Variants in PRKCB observed in about 807,000 individuals in gnomAD.
The protein encoded by PRKCB is protein kinase C beta type.
PRKCB carries 13 observed loss-of-function variants against 81.5 expected under a neutral mutation model. That is an observed-to-expected ratio of 0.16 (90% confidence interval 0.10 to 0.25). The LOEUF is 0.25. Ranked by LOEUF, PRKCB falls within the 10% of genes least tolerant of loss-of-function variation. The probability of loss-of-function intolerance (pLI) is 1.00; values close to 1 mark genes in which losing one functional copy is unlikely to be tolerated. For synonymous variants in PRKCB, 335 were observed against 321.4 expected, an observed-to-expected ratio of 1.04 and a Z score of -0.45; for missense variants, 509 against 875.7, an observed-to-expected ratio of 0.58 and a Z score of 5.29.
intron 6 of PRKCB, 61 bp from the exon 7 acceptor site, chr16:24,094,102 T>C: frequency 6.4e-7 from 1 of 1,568,130 alleles, no homozygotes; most frequent in Admixed American, 1.9e-5. Context: ...CTCTTGTACA[T>C]TTATTCTGCT....
At chr16:24,092,350 C>T (rs111662006) in intron 5 of PRKCB, among the ~76,000 whole-genome samples, 1,534 of 152,286 alleles carry the variant, frequency 0.01, 29 homozygotes, top group African/African-American at 0.035. Flanking sequence ...GTGGAAACAA[C>T]CCAACTATGC....
chr16:24,142,447 G>A (rs1966914742), intron 9 of PRKCB, among the ~76,000 whole-genome samples: 1 of 152,212 alleles, frequency 6.6e-6, no homozygotes, highest in African/African-American at 2.4e-5. Flanking sequence ...GGGAAGAGCA[G>A]GTGGTTGGCG....
chr16:24,209,763 C>T (rs950985541), intron 16 of PRKCB, among the ~76,000 whole-genome samples: 4 of 152,084 alleles, frequency 2.6e-5, no homozygotes, highest in African/African-American at 9.7e-5. Flanking sequence ...CTATTGTCCC[C>T]CGCTCATTTA....
chr16:24,170,238 A>G (rs142146286), intron 10 of PRKCB, among the ~76,000 whole-genome samples: 2 of 152,100 alleles, frequency 1.3e-5, no homozygotes, highest in African/African-American at 4.8e-5. Flanking sequence ...ACCTAGTAGG[A>G]CTCTGTAAAT....
At chr16:24,128,859 T>C (rs933393255) in intron 9 of PRKCB, among the ~76,000 whole-genome samples, 2 of 152,214 alleles carry the variant, frequency 1.3e-5, no homozygotes, top group Non-Finnish European at 2.9e-5. Context: ...TCTGTTTTTA[T>C]AATGCCTTGA....
chr16:23,903,031 C>G (rs1401557246), intron 2 of PRKCB, among the ~76,000 whole-genome samples: 2 of 137,858 alleles, frequency 1.5e-5, no homozygotes, highest in Non-Finnish European at 3.0e-5. Flanking sequence ...CAAAGTCTTG[C>G]TATGTTGCAT....
At chr16:24,042,443 T>TC (rs1298618331) in intron 5 of PRKCB, among the ~76,000 whole-genome samples, 11 of 152,212 alleles carry the variant, frequency 7.2e-5, no homozygotes, top group Non-Finnish European at 1.6e-4. Context: ...TGTAATTTTT[T>TC]CCCAAGTCTT....
At chr16:23,974,586 G>A (rs576973597) in intron 2 of PRKCB, among the ~76,000 whole-genome samples, 2 of 152,328 alleles carry the variant, frequency 1.3e-5, no homozygotes, top group East Asian at 3.9e-4. Flanking sequence ...AGAACCCCTC[G>A]TCCTGGAAGA....
intron 2 of PRKCB, among the ~76,000 whole-genome samples, chr16:23,972,567 A>C (rs1021534300): frequency 6.6e-6 from 1 of 152,232 alleles, no homozygotes; most frequent in Non-Finnish European, 1.5e-5. Context: ...TTTAAATAAA[A>C]AAGAAAGCAA....
chr16:23,996,657 C>T (rs1056151386), intron 3 of PRKCB, among the ~76,000 whole-genome samples: 1 of 152,228 alleles, frequency 6.6e-6, no homozygotes. Flanking sequence ...GCTTTATTCA[C>T]TGTTATGAAA....
At chr16:24,055,561 G>A (rs1425415935) in intron 5 of PRKCB, among the ~76,000 whole-genome samples, 1 of 152,338 alleles carries the variant, frequency 6.6e-6, no homozygotes, top group East Asian at 1.9e-4. Context: ...TCCCCCCATC[G>A]AGGATCAATG....
At chr16:23,842,248 A>G (rs1417894526) in intron 2 of PRKCB, among the ~76,000 whole-genome samples, 1 of 152,128 alleles carries the variant, frequency 6.6e-6, no homozygotes, top group East Asian at 1.9e-4. Context: ...CCCAGCAGCA[A>G]CTTTGGTCTC....
chr16:24,130,470 C>A (rs901010753), intron 9 of PRKCB, among the ~76,000 whole-genome samples: 2 of 152,080 alleles, frequency 1.3e-5, no homozygotes, highest in African/African-American at 4.8e-5. Context: ...CTGGCCCCCA[C>A]CCCCAAAATA....
chr16:23,863,738 G>T lies in PRKCB; in HGVS notation c.205+26332G>T, dbSNP rs75930759. Among the ~76,000 whole-genome samples the T allele has an allele frequency of 4.0e-4, 61 of 152,250 alleles. 1 individual carries two copies. In the East Asian group the frequency reaches 0.011, roughly 28 times the overall value. On this transcript the variant is annotated intron_variant, in intron 2 of 16. Coordinates refer to ENST00000643927, the MANE Select transcript of PRKCB (RefSeq NM_002738.7). ...TTGTCCGCTTCCAATCAGGGTTCCTGGACTGGCTCCTATATTAAAATTGGT... is the reference window on the plus strand; with the variant it reads ...TTGTCCGCTTCCAATCAGGGTTCCTTGACTGGCTCCTATATTAAAATTGGT...
chr16:24,217,090 A>T lies in PRKCB; in HGVS notation c.*2274A>T. The T allele has an allele frequency of 3.0e-6, 3 of 985,004 alleles. No homozygotes were observed. The highest frequency in any genetic ancestry group is 3.6e-6 in the Non-Finnish European group (3 of 829,714). The allele number at this position is 985,004 out of a possible 1,614,324, so 61.0% of individuals were successfully genotyped here. ...ACAATGTAGGATGAATGGAAAGAGA[A>T]AGAAAGGAAAGAAAGAAGAAAAAGA... On this transcript the variant is annotated 3_prime_UTR_variant, in exon 17 of 17. Transcript: ENST00000643927.
Position 24,162,277 on chromosome 16 carries a change from C to G in PRKCB, c.1239+7420C>G, listed in dbSNP as rs114830862. Among the ~76,000 whole-genome samples the G allele has an allele frequency of 5.2e-3, 786 of 152,104 alleles. 11 individuals are homozygous for G. The highest frequency in any genetic ancestry group is 0.018 in the African/African-American group (745 of 41,486). On this transcript the variant is annotated intron_variant, in intron 10 of 16. Transcript: ENST00000643927. ...GGGTCCTGGTAACTCGGGCTCAGCT[C>G]TGGGCTGGCAGCAGTACCCAAGGAT...
At chr16:23,871,611 T>C (rs1387277043) in intron 2 of PRKCB, among the ~76,000 whole-genome samples, 2 of 152,126 alleles carry the variant, frequency 1.3e-5, no homozygotes, top group Admixed American at 6.5e-5. Flanking sequence ...GGAGTCTCAC[T>C]GTGTTGCCCA....
At chr16:24,007,045 A>G (rs774982901) in intron 3 of PRKCB, among the ~76,000 whole-genome samples, 1 of 152,214 alleles carries the variant, frequency 6.6e-6, no homozygotes, top group Non-Finnish European at 1.5e-5. Flanking sequence ...GTGTAAGGCA[A>G]TATGTATAAA....
intron 2 of PRKCB, among the ~76,000 whole-genome samples, chr16:23,904,592 A>C (rs8049229): frequency 3.9e-5 from 6 of 152,120 alleles, no homozygotes; most frequent in Non-Finnish European, 7.3e-5. Context: ...GAACCCGGGA[A>C]GTGAAGGTTG....
Sources: gnomAD v4.1 joint callset for allele counts (sites outside exome capture counted in the v4.1 genomes callset) on GRCh38, gnomAD v4.1.1 for gene constraint, MANE v1.5 for transcripts, NCBI Gene and HGNC (gene_info 2026-07-23, HGNC 2026-07-21) for gene names.